Variants in ARFGAP3 observed in about 807,000 individuals in gnomAD.
ARFGAP3 encodes ADP-ribosylation factor GTPase-activating protein 3.
In ARFGAP3, 72 loss-of-function variants were observed where a neutral mutation model predicts 75.0. The ratio of observed to expected loss-of-function variants is 0.96; its 90% CI spans 0.79 to 1.17. The LOEUF is 1.17. Among genes scored for constraint, ARFGAP3 ranks in the 50% most tolerant of loss-of-function variants. ARFGAP3 has a pLI of 0.00. For missense variants in ARFGAP3, 620 were observed against 626.6 expected (o/e 0.99, Z 0.11); for synonymous variants, 221 against 217.9 (o/e 1.01, Z -0.13).
rs552137824 is a variant in ARFGAP3 at position 42,801,652 on chromosome 22, G to GC, written c.1412-2493dup. Among the ~76,000 whole-genome samples, 23 of 151,592 alleles carry GC rather than the reference G, an allele frequency of 1.5e-4. No individual in the cohort carries two copies. In the East Asian group the frequency reaches 3.7e-3, roughly 24 times the overall value. ...GGGAGGCGTGTTCCAGCCTATGTTG[G>GC]CCGGTGGGCAGGTGCTCAGACTCAG... On this transcript the variant is annotated intron_variant, in intron 14 of 15. Transcript: ENST00000263245.
At chr22:42,827,060 T>C in intron 6 of ARFGAP3, 61 bp from the exon 7 acceptor site, 17 of 1,589,874 alleles carry the variant, frequency 1.1e-5, no homozygotes, top group Non-Finnish European at 1.4e-5. Flanking sequence ...TGCTTTTGAA[T>C]ATATAATAAT....
chr22:42,808,790 A>G lies in ARFGAP3; in HGVS notation c.1297T>C (p.Phe433Leu). 1.2e-6 allele frequency: 2 copies of G among 1,612,118 alleles called. 1 individual carries two copies. The highest frequency in any genetic ancestry group is 2.7e-5 in the African/African-American group (2 of 75,016). ...NVKAISSDMY[F>L]GRQSQADYET... is the part of the protein sequence containing the mutation. ...ACATCAGCCTGGGATTGTCTTCCAA[A>G]ATACATATCTGATGAAATGGCCTTG... is the stretch of plus-strand genomic sequence containing the variant. The change falls in exon 13 of 16, where the codon TTT becomes CTT. Residue 433 changes from phenylalanine to leucine, a missense_variant. Coordinates refer to ENST00000263245, the MANE Select transcript of ARFGAP3 (RefSeq NM_014570.5).
At position 42,834,092 on chromosome 22, in the gene ARFGAP3, T is replaced by C. The variant is rs78398364; in HGVS notation, c.477+150A>G. 2.5e-3 allele frequency: 1,836 copies of C among 727,830 alleles called. 34 individuals carry two copies. The African/African-American group carries it at 0.03, about 12-fold the overall frequency. The allele number at this position is 727,830 out of a possible 1,614,324, so 45.1% of individuals were successfully genotyped here. A position where few individuals can be genotyped will look rare whatever the true frequency, so the allele number is the denominator to read the frequency against. ...AATAGCAGATATCCTAACCTTGGAA[T>C]TGTTGATAATGTCATTTCTCTCTTC... On this transcript the variant is annotated intron_variant, in intron 5 of 15. Transcript: ENST00000263245.
intron 13 of ARFGAP3, among the ~76,000 whole-genome samples, chr22:42,807,757 A>C (rs1175530333): frequency 1.3e-5 from 2 of 152,038 alleles, no homozygotes. Flanking sequence ...TGAGTCTTAC[A>C]GCTTAGCAAG....
Position 42,836,745 on chromosome 22 carries a change from G to A in ARFGAP3, c.262-1252C>T, listed in dbSNP as rs570962490. Among the ~76,000 whole-genome samples the A allele has an allele frequency of 7.2e-5, 11 of 152,170 alleles. No individual in the cohort carries two copies. In the South Asian group the frequency reaches 1.5e-3, roughly 20 times the overall value. ...ATGATATTGGTCACCCACATGTTCCGGATCCTGTTGTGAGTGCTTCATGGG... is the reference window on the plus strand; with the variant it reads ...ATGATATTGGTCACCCACATGTTCCAGATCCTGTTGTGAGTGCTTCATGGG... On this transcript the variant is annotated intron_variant, in intron 3 of 15. Coordinates refer to ENST00000263245, the MANE Select transcript of ARFGAP3 (RefSeq NM_014570.5).
intron 14 of ARFGAP3, among the ~76,000 whole-genome samples, chr22:42,799,970 G>GTGTT (rs1301577064): frequency 6.6e-6 from 1 of 152,194 alleles, no homozygotes; most frequent in Admixed American, 6.5e-5. Flanking sequence ...GTTTTGTTAA[G>GTGTT]TGTTAGTTGC....
intron 13 of ARFGAP3, among the ~76,000 whole-genome samples, chr22:42,807,532 T>C (rs1286840570): frequency 6.6e-6 from 1 of 152,164 alleles, no homozygotes; most frequent in Non-Finnish European, 1.5e-5. Flanking sequence ...AAAACTGAAC[T>C]TGAATGTCAA....
chr22:42,849,937 T>C (rs1310570310), intron 1 of ARFGAP3, among the ~76,000 whole-genome samples: 1 of 152,154 alleles, frequency 6.6e-6, no homozygotes, highest in African/African-American at 2.4e-5. Flanking sequence ...TGCTGAATAG[T>C]TGTGTACTTT....
chr22:42,810,721 T>C (rs1474861114), intron 12 of ARFGAP3, 92 bp downstream of exon 12: 51 of 1,147,084 alleles, frequency 4.4e-5, no homozygotes, highest in Admixed American at 1.4e-4. Flanking sequence ...GCCCAGCCCC[T>C]TACAAGGGTT....
chr22:42,808,953 C>T, intron 12 of ARFGAP3, 63 bp from the exon 13 acceptor site: 1 of 1,380,978 alleles, frequency 7.2e-7, no homozygotes, highest in Non-Finnish European at 9.5e-7. Context: ...GTGTTTCATA[C>T]TCATTTTATT....
intron 7 of ARFGAP3, among the ~76,000 whole-genome samples, chr22:42,824,054 G>C (rs1429994794): frequency 6.8e-6 from 1 of 147,496 alleles, no homozygotes; most frequent in Non-Finnish European, 1.5e-5. Flanking sequence ...TTTGAGACAG[G>C]GTCTCGCTCT....
At chr22:42,846,014 G>A (rs1213349449) in intron 2 of ARFGAP3, among the ~76,000 whole-genome samples, 1 of 139,952 alleles carries the variant, frequency 7.1e-6, no homozygotes, top group Non-Finnish European at 1.5e-5. Context: ...CTCCAGCTTG[G>A]GCGACAAGAG....
At chr22:42,826,022 T>C (rs899107895) in intron 7 of ARFGAP3, among the ~76,000 whole-genome samples, 21 of 152,320 alleles carry the variant, frequency 1.4e-4, no homozygotes, top group Non-Finnish European at 2.4e-4. Context: ...TTTTCATTAC[T>C]TTCTTTCAGA....
chr22:42,803,120 G>A (rs949476139), intron 14 of ARFGAP3, among the ~76,000 whole-genome samples: 4 of 152,088 alleles, frequency 2.6e-5, no homozygotes, highest in Non-Finnish European at 5.9e-5. Context: ...CTTAGCCTCC[G>A]AGTAATTGGA....
chr22:42,804,502 C>T (rs767834858), intron 14 of ARFGAP3, among the ~76,000 whole-genome samples: 5 of 151,770 alleles, frequency 3.3e-5, no homozygotes, highest in African/African-American at 4.8e-5. Flanking sequence ...CTGCCTCAGC[C>T]TCCGGAGTAG....
chr22:42,810,418 T>C (rs576412104), intron 12 of ARFGAP3, among the ~76,000 whole-genome samples: 2 of 152,128 alleles, frequency 1.3e-5, no homozygotes, highest in Non-Finnish European at 2.9e-5. Flanking sequence ...AAGCTGAGAT[T>C]GCACCACTGC....
chr22:42,807,478 G>T (rs1021341858), intron 13 of ARFGAP3, among the ~76,000 whole-genome samples: 3 of 152,258 alleles, frequency 2.0e-5, no homozygotes, highest in Admixed American at 2.0e-4. Context: ...TGTCAGCAAA[G>T]GCCACTCTAA....
Position 42,853,503 on chromosome 22 carries a change from G to GC in ARFGAP3, c.69+3610dup, listed in dbSNP as rs1569178906. 1.2e-4 allele frequency: 25 copies of GC among 216,618 alleles called. 1 individual carries two copies. The South Asian group carries it at 2.0e-3, about 18-fold the overall frequency. The allele number at this position is 216,618 out of a possible 1,614,324, so 13.4% of individuals were successfully genotyped here. On this transcript the variant is annotated intron_variant, in intron 1 of 15. Transcript: ENST00000263245. ...CATCAAGGTGCCACCTCTGAAAGGG[G>GC]CACTTCTGGATGAGCTGACATGGAG...
chr22:42,797,578 G>A lies in ARFGAP3; in HGVS notation c.*10C>T, dbSNP rs754890261. The A allele has an allele frequency of 2.5e-6, 4 of 1,614,040 alleles. No individual in the cohort carries two copies. The highest frequency in any genetic ancestry group is 3.4e-6 in the Non-Finnish European group (4 of 1,180,014). On this transcript the variant is annotated 3_prime_UTR_variant, in exon 16 of 16. Transcript: ENST00000263245. ...AATTTCTCCAGGAAATACACATCAT[G>A]ACTTCAGTATTAAGAACCGTAGCGA...
Sources: gnomAD v4.1 joint callset for allele counts (sites outside exome capture counted in the v4.1 genomes callset) on GRCh38, gnomAD v4.1.1 for gene constraint, MANE v1.5 for transcripts, NCBI Gene and HGNC (gene_info 2026-07-23, HGNC 2026-07-21) for gene names.